EYS: variants seen among roughly 807,000 people sequenced by gnomAD.
EYS encodes the protein protein eyes shut homolog.
EYS carries 250 observed loss-of-function variants against 282.1 expected under a neutral mutation model. The observed-to-expected ratio is 0.89, with a 90% confidence interval of 0.80 to 0.98. The LOEUF (loss-of-function observed/expected upper bound fraction) is 0.98, where lower values mean the gene tolerates loss of function less well. Ranked by LOEUF, EYS falls within the 50% of genes least tolerant of loss-of-function variation. EYS has a pLI of 0.00. For missense variants in EYS, 4,016 were observed against 3,709.0 expected, an observed-to-expected ratio of 1.08 and a Z score of -2.15; for synonymous variants, 1,355 against 1,282.9, an observed-to-expected ratio of 1.06 and a Z score of -1.20.
intron 26 of EYS, among the ~76,000 whole-genome samples, chr6:64,453,952 A>G (rs1775463763): frequency 6.6e-6 from 1 of 152,102 alleles, no homozygotes; most frequent in South Asian, 2.1e-4. Context: ...GCACATATAT[A>G]CATATGTAAC....
chr6:65,613,763 T>C (rs753300833), intron 2 of EYS, among the ~76,000 whole-genome samples: 2 of 151,934 alleles, frequency 1.3e-5, no homozygotes, highest in African/African-American at 2.4e-5. Context: ...TGATGAATTA[T>C]GATAAAGTGA....
chr6:64,846,706 A>T (rs1765726775), intron 19 of EYS, among the ~76,000 whole-genome samples: 2 of 152,094 alleles, frequency 1.3e-5, no homozygotes, highest in Non-Finnish European at 2.9e-5. Flanking sequence ...ATAAAATCTC[A>T]TTGATTTTAA....
chr6:63,730,654 T>G lies in EYS; in HGVS notation c.8072-3974A>C, dbSNP rs193230082. Among the ~76,000 whole-genome samples, 31 of 152,358 alleles carry G rather than the reference T, an allele frequency of 2.0e-4. No homozygotes were observed. The East Asian group carries it at 5.8e-3, about 28-fold the overall frequency. On this transcript the variant is annotated intron_variant, in intron 41 of 42. Transcript: ENST00000503581. ...TTTTACTACTGGATTTGTCATAGTT[T>G]GATTATCTTAGATTAATTATACCAC...
At chr6:64,359,420 T>C (rs1019909571) in intron 29 of EYS, among the ~76,000 whole-genome samples, 7 of 151,740 alleles carry the variant, frequency 4.6e-5, no homozygotes, top group Non-Finnish European at 1.5e-5. Flanking sequence ...TCTAGATTTC[T>C]TCAGTTATGG....
chr6:65,681,142 C>G (rs907671830), intron 1 of EYS, among the ~76,000 whole-genome samples: 3 of 150,844 alleles, frequency 2.0e-5, no homozygotes, highest in African/African-American at 7.3e-5. Flanking sequence ...TTCTCACACT[C>G]TACCTCGTAG....
At chr6:64,036,365 G>A (rs746706151) in intron 33 of EYS, among the ~76,000 whole-genome samples, 3 of 152,116 alleles carry the variant, frequency 2.0e-5, no homozygotes, top group Non-Finnish European at 2.9e-5. Context: ...ATAATTTTGG[G>A]TATAGAATAT....
chr6:65,502,020 A>AT (rs1318329338), intron 2 of EYS, among the ~76,000 whole-genome samples: 1 of 151,606 alleles, frequency 6.6e-6, no homozygotes, highest in Non-Finnish European at 1.5e-5. Flanking sequence ...TAGATTATTG[A>AT]TTTTTTAAAA....
chr6:64,843,372 C>T (rs1406787085), intron 19 of EYS, among the ~76,000 whole-genome samples: 1 of 152,172 alleles, frequency 6.6e-6, no homozygotes, highest in East Asian at 1.9e-4. Flanking sequence ...CTCAGACACT[C>T]AATGCCAGCC....
intron 8 of EYS, among the ~76,000 whole-genome samples, chr6:65,368,451 C>G (rs1432642491): frequency 1.3e-5 from 2 of 151,530 alleles, no homozygotes; most frequent in Non-Finnish European, 2.9e-5. Flanking sequence ...TAGGAAAGAA[C>G]AAGCCAAAAG....
At chr6:64,116,346 T>A (rs184961798) in intron 31 of EYS, among the ~76,000 whole-genome samples, 12 of 152,232 alleles carry the variant, frequency 7.9e-5, no homozygotes, top group African/African-American at 1.9e-4. Flanking sequence ...CAGGAAAGAA[T>A]GGGGAGATTT....
intron 36 of EYS, among the ~76,000 whole-genome samples, chr6:63,847,928 T>C (rs775748032): frequency 5.3e-5 from 8 of 152,134 alleles, no homozygotes; most frequent in Non-Finnish European, 1.0e-4. Flanking sequence ...AAAGGAGAAA[T>C]AATAAAGCAA....
At chr6:64,672,784 A>C (rs376686517) in intron 22 of EYS, among the ~76,000 whole-genome samples, 16 of 152,256 alleles carry the variant, frequency 1.1e-4, no homozygotes, top group African/African-American at 3.9e-4. Context: ...ACAACCAGAA[A>C]AAAACAGTAA....
intron 31 of EYS, among the ~76,000 whole-genome samples, chr6:64,102,188 CTTCT>C (rs1374336973): frequency 6.6e-6 from 1 of 152,116 alleles, no homozygotes; most frequent in Non-Finnish European, 1.5e-5. Context: ...GCATAATATT[CTTCT>C]TTATGTTTTT....
rs186137074 is a variant in EYS at position 65,687,831 on chromosome 6, A to G, written c.-448+19304T>C. ...AAATCATGAGTGAACTCCCATTCAC[A>G]ATTGCTTCAAAGAGAATAAAATACC... On this transcript the variant is annotated intron_variant, in intron 1 of 42. Coordinates refer to ENST00000503581, the MANE Select transcript of EYS (RefSeq NM_001142800.2). 1.4e-3 allele frequency among the ~76,000 whole-genome samples: 210 copies of G among 152,284 alleles called. 8 individuals are homozygous for G. In the East Asian group the frequency reaches 0.034, roughly 25 times the overall value.
chr6:64,261,048 T>C (rs1183554827), intron 30 of EYS, among the ~76,000 whole-genome samples: 3 of 152,056 alleles, frequency 2.0e-5, no homozygotes, highest in Non-Finnish European at 4.4e-5. Flanking sequence ...TCTACTCTTT[T>C]AGTTATTTTA....
chr6:65,013,219 T>C (rs1036808869), intron 13 of EYS, among the ~76,000 whole-genome samples: 2 of 152,212 alleles, frequency 1.3e-5, no homozygotes, highest in Admixed American at 1.3e-4. Context: ...GTAAATAATT[T>C]TGTATATTAT....
At chr6:65,583,467 C>A (rs1764937638) in intron 2 of EYS, among the ~76,000 whole-genome samples, 2 of 152,054 alleles carry the variant, frequency 1.3e-5, no homozygotes, top group South Asian at 2.1e-4. Flanking sequence ...AACAAAATGG[C>A]AAGTCCGAGC....
intron 18 of EYS, among the ~76,000 whole-genome samples, chr6:64,896,612 C>A (rs537312320): frequency 1.3e-5 from 2 of 151,618 alleles, no homozygotes; most frequent in Admixed American, 1.3e-4. Context: ...CCCTTCACTC[C>A]GATGGAAAGG....
Position 63,788,260 on chromosome 6 carries a change from G to C in EYS, c.7579-11C>G. The C allele has an allele frequency of 6.6e-7, 1 of 1,511,728 alleles. No homozygotes were observed. The highest frequency in any genetic ancestry group is 8.8e-7 in the Non-Finnish European group (1 of 1,132,636). 93.6% of individuals were successfully genotyped at this position (1,511,728 alleles called of 1,614,324 possible). Reference sequence around the variant, plus strand: ...TTTATGATCATCTACCTTCGAAAGGGAAAAAAAACCTATTAAAAAAGGAAT... The same window carrying C: ...TTTATGATCATCTACCTTCGAAAGGCAAAAAAAACCTATTAAAAAAGGAAT... On this transcript the variant is annotated splice_polypyrimidine_tract_variant and intron_variant, in intron 38 of 42. Coordinates refer to ENST00000503581, the MANE Select transcript of EYS (RefSeq NM_001142800.2).
Sources: allele counts gnomAD v4.1 joint callset (sites outside exome capture counted in the v4.1 genomes callset), GRCh38; gene constraint gnomAD v4.1.1; transcripts MANE v1.5; gene names NCBI Gene and HGNC (gene_info 2026-07-23, HGNC 2026-07-21).